Variants in OSTC observed in about 807,000 individuals in gnomAD.
The protein encoded by OSTC is oligosaccharyltransferase complex non-catalytic subunit.
A neutral mutation model predicts 16.4 loss-of-function variants in OSTC; 16 were observed. The observed-to-expected ratio is 0.98, with a 90% confidence interval of 0.66 to 1.49. OSTC has a LOEUF of 1.49. OSTC is among the 40% of genes most tolerant of loss of function. The pLI is 0.00. For missense variants in OSTC, 139 were observed against 186.3 expected, an observed-to-expected ratio of 0.75 and a Z score of 1.48; for synonymous variants, 67 against 68.5, an observed-to-expected ratio of 0.98 and a Z score of 0.11.
chr4:108,655,825 A>G (rs547337412), intron 2 of OSTC, among the ~76,000 whole-genome samples, 168 bp downstream of exon 2: 3 of 152,230 alleles, frequency 2.0e-5, no homozygotes, highest in African/African-American at 7.2e-5. Context: ...AAACAAGAGT[A>G]TATTATTTAT....
chr4:108,655,445 C>T (rs546016669), intron 1 of OSTC, 119 bp from the exon 2 acceptor site: 80 of 579,712 alleles, frequency 1.4e-4, no homozygotes, highest in Middle Eastern at 9.4e-4. Flanking sequence ...TCAACCTGGG[C>T]GACAGAGTGA....
At chr4:108,656,512 T>C (rs1726705591) in intron 2 of OSTC, among the ~76,000 whole-genome samples, 1 of 151,896 alleles carries the variant, frequency 6.6e-6, no homozygotes, top group Non-Finnish European at 1.5e-5. Flanking sequence ...ATCATCCCTT[T>C]AACGAGAAAT....
intron 3 of OSTC, chr4:108,663,188 A>G (rs1726900559): frequency 2.2e-6 from 1 of 455,822 alleles, no homozygotes; most frequent in African/African-American, 2.0e-5. Context: ...AGTTTCAAAA[A>G]TAAATGAATA....
At position 108,650,603 on chromosome 4, in the gene OSTC, T is replaced by C. The variant is rs1240538439; in HGVS notation, c.-53T>C. ...CACTTGTTAGGGAGGGCGGGCCTGT[T>C]TCCGGGAGGCGCGTGGGGCTTGAGG... On this transcript the variant is annotated 5_prime_UTR_variant, in exon 1 of 4. Transcript: ENST00000361564. The C allele has an allele frequency of 6.2e-7, 1 of 1,604,686 alleles. No homozygotes were observed. Among genetic ancestry groups the C allele is most frequent in the Non-Finnish European group, 8.5e-7 (1 of 1,174,270 alleles).
At chr4:108,661,971 G>A (rs1726869999) in intron 3 of OSTC, among the ~76,000 whole-genome samples, 1 of 152,306 alleles carries the variant, frequency 6.6e-6, no homozygotes, top group Non-Finnish European at 1.5e-5. Context: ...AAAGTCAGGT[G>A]AGGTGTTCAA....
chr4:108,653,871 A>G (rs1726622506), intron 1 of OSTC, among the ~76,000 whole-genome samples: 1 of 152,186 alleles, frequency 6.6e-6, no homozygotes, highest in Non-Finnish European at 1.5e-5. Context: ...TGGTACTGGC[A>G]TTATTTGAGA....
At chr4:108,663,412 C>T (rs528983480) in intron 3 of OSTC, 184 of 323,896 alleles carry the variant, frequency 5.7e-4, no homozygotes, top group Non-Finnish European at 1.0e-3. Context: ...GGGGTTTCAC[C>T]GTGTTAGCCA....
chr4:108,664,454 ATCT>A (rs1006065444), intron 3 of OSTC, among the ~76,000 whole-genome samples: 1 of 150,766 alleles, frequency 6.6e-6, no homozygotes, highest in Non-Finnish European at 1.5e-5. Context: ...CTTGCTTAAA[ATCT>A]TCTTGAACCT....
At chr4:108,665,642 C>T (rs1315718365) in intron 3 of OSTC, among the ~76,000 whole-genome samples, 2 of 151,618 alleles carry the variant, frequency 1.3e-5, no homozygotes, top group African/African-American at 4.8e-5. Context: ...TCACTGCAAC[C>T]TCCACCTCCT....
chr4:108,650,818 G>T, intron 1 of OSTC, 24 bp downstream of exon 1: 3 of 1,613,832 alleles, frequency 1.9e-6, no homozygotes, highest in Middle Eastern at 1.7e-4. Context: ...TCGGGCCCGA[G>T]AGGCTGAGGA....
At chr4:108,652,617 C>T (rs1006520134) in intron 1 of OSTC, among the ~76,000 whole-genome samples, 3 of 152,094 alleles carry the variant, frequency 2.0e-5, no homozygotes, top group Non-Finnish European at 4.4e-5. Flanking sequence ...TACTGAGTCC[C>T]GTTAAGTTTC....
intron 3 of OSTC, among the ~76,000 whole-genome samples, chr4:108,666,527 T>C (rs1280606222): frequency 6.6e-6 from 1 of 151,944 alleles, no homozygotes; most frequent in Non-Finnish European, 1.5e-5. Flanking sequence ...CTGGCCAAGA[T>C]GGTGAAACCC....
At chr4:108,651,975 ATACT>A (rs1216513939) in intron 1 of OSTC, among the ~76,000 whole-genome samples, 1 of 152,226 alleles carries the variant, frequency 6.6e-6, no homozygotes, top group Non-Finnish European at 1.5e-5. Flanking sequence ...TTACATTTAA[ATACT>A]TATTTGGTAA....
intron 1 of OSTC, 113 bp from the exon 2 acceptor site, chr4:108,655,451 A>G: frequency 3.3e-6 from 2 of 610,676 alleles, no homozygotes; most frequent in South Asian, 4.9e-5. Context: ...TGGGCGACAG[A>G]GTGAGACTCT....
At chr4:108,664,265 A>G (rs1726937299) in intron 3 of OSTC, among the ~76,000 whole-genome samples, 1 of 152,188 alleles carries the variant, frequency 6.6e-6, no homozygotes, top group South Asian at 2.1e-4. Flanking sequence ...CCCACTAGTT[A>G]CAAGGAAGGA....
intron 3 of OSTC, among the ~76,000 whole-genome samples, chr4:108,666,677 C>G (rs982148461): frequency 1.3e-5 from 2 of 148,440 alleles, no homozygotes; most frequent in Non-Finnish European, 3.0e-5. Flanking sequence ...CACCATTGCA[C>G]TCCAGCCTGG....
In OSTC at chr4:108,650,750, C is replaced by T. The variant is rs772330971; in HGVS notation, c.95C>T (p.Thr32Ile). Reference protein sequence around the residue: ...PPWLHMPSAMTVYALVVVSYF... With the variant: ...PPWLHMPSAMIVYALVVVSYF... ...TGGTTGCACATGCCGTCGGCCATGA[C>T]TGTGTATGCTCTGGTGGTGGTGTCT... is the stretch of plus-strand genomic sequence containing the variant. The change falls in exon 1 of 4, where the codon ACT becomes ATT. Residue 32 changes from threonine to isoleucine, a missense_variant. Transcript: ENST00000361564. The T allele has an allele frequency of 3.7e-6, 6 of 1,614,230 alleles. No individual in the cohort carries two copies. The highest frequency in any genetic ancestry group is 1.3e-5 in the African/African-American group (1 of 75,066).
chr4:108,653,236 TA>T (rs1726603021), intron 1 of OSTC, among the ~76,000 whole-genome samples: 1 of 151,820 alleles, frequency 6.6e-6, no homozygotes, highest in African/African-American at 2.4e-5. Context: ...TCTCAAAAAA[TA>T]AAAACAAACA....
At chr4:108,665,644 C>T in intron 3 of OSTC, among the ~76,000 whole-genome samples, 1 of 151,534 alleles carries the variant, frequency 6.6e-6, no homozygotes, top group East Asian at 1.9e-4. Context: ...ACTGCAACCT[C>T]CACCTCCTGG....
Sources: allele counts gnomAD v4.1 joint callset (sites outside exome capture counted in the v4.1 genomes callset), GRCh38; gene constraint gnomAD v4.1.1; transcripts MANE v1.5; gene names NCBI Gene and HGNC (gene_info 2026-07-23, HGNC 2026-07-21).